TEX29: variants seen among roughly 807,000 people sequenced by gnomAD.
TEX29 encodes the protein testis expressed 29, also known as testis-expressed protein 29.
Under a neutral mutation model 18.2 loss-of-function variants are expected in TEX29, and 26 were observed. The observed-to-expected ratio is 1.43, with a 90% CI of 1.04 to 1.98. The LOEUF (loss-of-function observed/expected upper bound fraction) is 1.98. Among genes scored for constraint, TEX29 ranks in the 30% most tolerant of loss-of-function variants. The pLI is 0.00. For synonymous variants in TEX29, 83 were observed against 78.5 expected (o/e 1.06, Z -0.31); for missense variants, 177 against 194.2 (o/e 0.91, Z 0.53).
In TEX29 at chr13:111,339,917, T is replaced by A; in HGVS notation, c.224T>A (p.Ile75Asn). ...GTGATCATCGCTGGGGCCTTCGTCA[T>A]CACCATCATCTACAGGTCGGTCCCT... ...LIVIIAGAFVITIIYRVIQES... is the reference protein window; with the variant it reads ...LIVIIAGAFVNTIIYRVIQES... The change falls in exon 4 of 6, where the codon ATC becomes AAC. Residue 75 changes from isoleucine to asparagine, a missense_variant. Physicochemically the swap from Ile to Asn is moderately radical, Grantham distance 149. Transcript: ENST00000283547. 6.3e-7 allele frequency: 1 copy of A among 1,595,818 alleles called. No individual in the cohort carries two copies. Among genetic ancestry groups the A allele is most frequent in the Non-Finnish European group, 8.6e-7 (1 of 1,168,554 alleles).
At position 111,339,974 on chromosome 13, in the gene TEX29, G is replaced by T. The variant is rs758381979; in HGVS notation, c.239+42G>T. The T allele has an allele frequency of 8.7e-6, 12 of 1,379,720 alleles. No homozygotes were observed. In the South Asian group the frequency reaches 1.3e-4, roughly 15 times the overall value. The allele number at this position is 1,379,720 out of a possible 1,614,324, so 85.5% of individuals were successfully genotyped here. On this transcript the variant is annotated intron_variant, in intron 4 of 5. Coordinates refer to ENST00000283547, the MANE Select transcript of TEX29 (RefSeq NM_152324.3). ...TTTACTGGGAGGGTGGGGAGGAGGG[G>T]ACTCACCTCTCCTGGCCGCAGCTTC...
chr13:111,334,873 C>T (rs1313812409), intron 3 of TEX29, among the ~76,000 whole-genome samples: 1 of 152,202 alleles, frequency 6.6e-6, no homozygotes, highest in Non-Finnish European at 1.5e-5. Context: ...CCACCCTGTT[C>T]TGCCCGCTGC....
chr13:111,328,675 T>G lies in TEX29; in HGVS notation c.169+382T>G, dbSNP rs530972144. Among the ~76,000 whole-genome samples the G allele has an allele frequency of 7.4e-4, 113 of 152,080 alleles. 2 individuals are homozygous for G. Among genetic ancestry groups the G allele is most frequent in the African/African-American group, 2.6e-3 (108 of 41,500 alleles). ...CAGGGCCCGGGCCAGTGGCCGGGTGTGGGGTGAGCCCATCAGGGTGGAGCG... is the reference window on the plus strand; with the variant it reads ...CAGGGCCCGGGCCAGTGGCCGGGTGGGGGGTGAGCCCATCAGGGTGGAGCG... On this transcript the variant is annotated intron_variant, in intron 3 of 5. Transcript: ENST00000283547.
intron 2 of TEX29, among the ~76,000 whole-genome samples, chr13:111,323,838 C>T (rs2093668636): frequency 6.6e-6 from 1 of 152,234 alleles, no homozygotes; most frequent in South Asian, 2.1e-4. Flanking sequence ...CCTGAACCTG[C>T]TGTGATCCCT....
intron 2 of TEX29, among the ~76,000 whole-genome samples, chr13:111,325,387 C>T (rs923301797): frequency 2.0e-5 from 3 of 151,838 alleles, no homozygotes; most frequent in African/African-American, 7.3e-5. Context: ...ACTGCTGGTG[C>T]CAGTGGCCGG....
rs2093677235 is a variant in TEX29, at chr13:111,328,223, C to T, written c.99C>T (p.Val33=). The T allele has an allele frequency of 1.2e-6, 2 of 1,613,900 alleles. No homozygotes were observed. Among genetic ancestry groups the T allele is most frequent in the South Asian group, 2.2e-5 (2 of 91,076 alleles). The part of the protein sequence containing the change: ...VPLYDICDYN[V]SRDRCQELGC... ...TGTATGACATTTGTGACTACAACGT[C>T]TCCAGGGACCGATGCCAGGAGCTCG... is the stretch of plus-strand genomic sequence containing the variant. The change falls in exon 3 of 6, where the codon GTC becomes GTT. Residue 33 remains valine (V), a synonymous_variant. Transcript: ENST00000283547.
Position 111,342,784 on chromosome 13 carries a change from G to C in TEX29, c.268G>C (p.Ala90Pro). Residue 90 changes from alanine (A) to proline (P), a missense_variant, in exon 5 of 6, where the codon GCC becomes CCC. Ala to Pro is a conservative substitution (Grantham distance 27, BLOSUM62 -1). Transcript: ENST00000283547. Reference protein sequence around the residue: ...RVIQESRKEKAIPVDVALPQK... With the variant: ...RVIQESRKEKPIPVDVALPQK... ...CATTCAGGAGAGCAGGAAAGAAAAG[G>C]CCATCCCTGTGGATGTCGCGCTGCC... The C allele has an allele frequency of 6.2e-7, 1 of 1,614,008 alleles. No homozygotes were observed. The highest frequency in any genetic ancestry group is 8.5e-7 in the Non-Finnish European group (1 of 1,180,012).
chr13:111,329,898 A>G (rs2093680144), intron 3 of TEX29, among the ~76,000 whole-genome samples: 2 of 152,126 alleles, frequency 1.3e-5, no homozygotes, highest in Admixed American at 6.5e-5. Flanking sequence ...CTGGTTCTCT[A>G]TGCTTGGTCT....
chr13:111,344,140 A>G lies in TEX29; in HGVS notation c.*17A>G, dbSNP rs747615989. On this transcript the variant is annotated 3_prime_UTR_variant, in exon 6 of 6. Transcript: ENST00000283547. Reference sequence around the variant, plus strand: ...GAGGACTGACTGAGACGCATGAAGAAGTGGAGATTGTCAGAATTATCCAAA... The same window carrying G: ...GAGGACTGACTGAGACGCATGAAGAGGTGGAGATTGTCAGAATTATCCAAA... The G allele has an allele frequency of 1.2e-6, 2 of 1,610,052 alleles. No individual in the cohort carries two copies. Among genetic ancestry groups the G allele is most frequent in the Admixed American group, 1.7e-5 (1 of 60,002 alleles).
chr13:111,332,850 G>A (rs1430463770), intron 3 of TEX29, among the ~76,000 whole-genome samples: 1 of 151,998 alleles, frequency 6.6e-6, no homozygotes, highest in Non-Finnish European at 1.5e-5. Context: ...TACTTCATGT[G>A]GATTTGACTT....
intron 2 of TEX29, among the ~76,000 whole-genome samples, chr13:111,323,009 C>T (rs1426244831): frequency 6.6e-6 from 1 of 152,246 alleles, no homozygotes; most frequent in Non-Finnish European, 1.5e-5. Flanking sequence ...TAGAGGAATT[C>T]CTCCTGTCCT....
chr13:111,329,822 A>C (rs988405363), intron 3 of TEX29, among the ~76,000 whole-genome samples: 4 of 152,018 alleles, frequency 2.6e-5, no homozygotes, highest in Admixed American at 2.0e-4. Context: ...CTGGAGCGGG[A>C]GGTGTCATCA....
At chr13:111,343,336 TGGTGG>T (rs879631722) in intron 5 of TEX29, among the ~76,000 whole-genome samples, 5,208 of 151,466 alleles carry the variant, frequency 0.034, 122 homozygotes, top group Middle Eastern at 0.062. Flanking sequence ...CCTGGCCACG[TGGTGG>T]TCTTGGTTGT....
chr13:111,328,167 G>C lies in TEX29; in HGVS notation c.59-16G>C, dbSNP rs1192827355. The C allele has an allele frequency of 6.4e-7, 1 of 1,554,518 alleles. No homozygotes were observed. The highest frequency in any genetic ancestry group is 1.3e-5 in the African/African-American group (1 of 74,160). ...GTTTTCGGGGGTGACACTTGTGTAT[G>C]TCTGTGCTTTTGCAGTGTGTGACGT... On this transcript the variant is annotated splice_polypyrimidine_tract_variant and intron_variant, in intron 2 of 5. Transcript: ENST00000283547.
chr13:111,320,995 T>TGCTGTGG, intron 2 of TEX29, 47 bp downstream of exon 2: 4 of 320,854 alleles, frequency 1.2e-5, no homozygotes, highest in Non-Finnish European at 2.3e-5. Context: ...GGGGAGCAGT[T>TGCTGTGG]GGGGGGGGGC....
chr13:111,342,629 TA>T, intron 4 of TEX29, 126 bp from the exon 5 acceptor site: 1 of 804,014 alleles, frequency 1.2e-6, no homozygotes, highest in Non-Finnish European at 1.9e-6. Flanking sequence ...GCATTTACCT[TA>T]AAAAATAAGT....
chr13:111,328,678 G>C (rs1433560272), intron 3 of TEX29, among the ~76,000 whole-genome samples: 1 of 152,232 alleles, frequency 6.6e-6, no homozygotes, highest in Non-Finnish European at 1.5e-5. Flanking sequence ...CCGGGTGTGG[G>C]GTGAGCCCAT....
intron 3 of TEX29, among the ~76,000 whole-genome samples, chr13:111,334,716 A>C (rs2093687196): frequency 6.6e-6 from 1 of 152,214 alleles, no homozygotes; most frequent in African/African-American, 2.4e-5. Context: ...AACAATTTTC[A>C]GTTGCTTCTG....
intron 2 of TEX29, among the ~76,000 whole-genome samples, chr13:111,327,013 G>A (rs1208518214): frequency 6.6e-6 from 1 of 152,146 alleles, no homozygotes; most frequent in Non-Finnish European, 1.5e-5. Context: ...GCCCCTCTGA[G>A]CCTGGCTGTG....
Sources: gnomAD v4.1 joint callset for allele counts (sites outside exome capture counted in the v4.1 genomes callset) on GRCh38, gnomAD v4.1.1 for gene constraint, MANE v1.5 for transcripts, NCBI Gene and HGNC (gene_info 2026-07-23, HGNC 2026-07-21) for gene names.